The following GALR1 variants were observed in gnomAD, a reference collection of about 807,000 sequenced individuals.
The protein encoded by GALR1 is galanin receptor type 1.
GALR1 carries 11 observed loss-of-function variants against 17.9 expected under a neutral mutation model. The ratio of observed to expected loss-of-function variants is 0.62; its 90% CI spans 0.39 to 1.02. GALR1 has a LOEUF of 1.02. Among genes scored for constraint, GALR1 ranks in the 50% least tolerant of loss-of-function variants. The probability of loss-of-function intolerance (pLI) is 0.01; values close to 1 mark genes in which losing one functional copy is unlikely to be tolerated. For synonymous variants in GALR1, 206 were observed against 205.7 expected, an observed-to-expected ratio of 1.00 and a Z score of -0.01; for missense variants, 441 against 456.9, an observed-to-expected ratio of 0.97 and a Z score of 0.32.
At chr18:77,259,405 GTGGTTATGGTGGTGATGA>G (rs1345201626) in intron 2 of GALR1, among the ~76,000 whole-genome samples, 13 of 141,128 alleles carry the variant, frequency 9.2e-5, no homozygotes, top group East Asian at 4.5e-4. Flanking sequence ...GGTGGTCATG[GTGGTTATGGTGGTGATGA>G]TGGTCATGGT....
chr18:77,253,019 CCACCA>C (rs1912503728), intron 1 of GALR1, among the ~76,000 whole-genome samples: 4 of 93,948 alleles, frequency 4.3e-5, no homozygotes, highest in Non-Finnish European at 7.3e-5. Context: ...ACCACCACCA[CCACCA>C]TCACCACCAT....
chr18:77,251,306 C>A lies in GALR1; in HGVS notation c.666+92C>A, dbSNP rs1344153264. On this transcript the variant is annotated intron_variant, in intron 1 of 2. Transcript: ENST00000299727. ...TCAGTGTCCCGCGGCCCTGCCGGAG[C>A]CTTGGCGGCAGCCTGGCCCCGGTGG... 2.0e-6 allele frequency: 3 copies of A among 1,492,932 alleles called. No individual in the cohort carries two copies. The East Asian group carries it at 6.9e-5, about 34-fold the overall frequency. The allele number at this position is 1,492,932 out of a possible 1,614,324, so 92.5% of individuals were successfully genotyped here.
intron 2 of GALR1, 32 bp from the exon 3 acceptor site, chr18:77,268,553 C>A: frequency 6.5e-7 from 1 of 1,529,398 alleles, no homozygotes; most frequent in South Asian, 1.2e-5. Context: ...CCTCCTCCTC[C>A]TCCTCCTCCT....
At chr18:77,252,929 CCACCACCACCACCACCACCAT>C (rs1568139089) in intron 1 of GALR1, among the ~76,000 whole-genome samples, 105 of 34,482 alleles carry the variant, frequency 3.0e-3, no homozygotes, top group East Asian at 8.4e-3. Flanking sequence ...ACCATCACCA[CCACCACCACCACCACCACCAT>C]CACCACCATC....
intron 2 of GALR1, among the ~76,000 whole-genome samples, chr18:77,264,069 G>A (rs1340289893): frequency 5.6e-5 from 8 of 142,470 alleles, no homozygotes; most frequent in Non-Finnish European, 3.0e-5. Context: ...GGGAGATGGA[G>A]GTTGCAGTGA....
chr18:77,250,662 G>A lies in GALR1; in HGVS notation c.114G>A (p.Val38=), dbSNP rs1430829722. 6.2e-7 allele frequency: 1 copy of A among 1,610,440 alleles called. No individual in the cohort carries two copies. Among genetic ancestry groups the A allele is most frequent in the African/African-American group, 1.3e-5 (1 of 74,842 alleles). Residue 38 remains valine, a synonymous_variant, in exon 1 of 3, where the codon GTG becomes GTA. Coordinates refer to ENST00000299727, the MANE Select transcript of GALR1 (RefSeq NM_001480.4). ...GIGVENFVTL[V]VFGLIFALGV... ...GCGTGGAGAACTTCGTCACGCTGGT[G>A]GTGTTCGGCCTGATCTTCGCGCTGG...
At chr18:77,259,831 G>T (rs1912789127) in intron 2 of GALR1, among the ~76,000 whole-genome samples, 2 of 151,916 alleles carry the variant, frequency 1.3e-5, no homozygotes. Context: ...GGAGAGAGGG[G>T]GACAGAGGCA....
intron 1 of GALR1, among the ~76,000 whole-genome samples, chr18:77,255,628 G>T (rs1912569965): frequency 6.6e-6 from 1 of 152,202 alleles, no homozygotes; most frequent in African/African-American, 2.4e-5. Flanking sequence ...CAATATTTGG[G>T]TTGGCTGCAC....
intron 2 of GALR1, among the ~76,000 whole-genome samples, chr18:77,267,394 C>G (rs925617919): frequency 6.6e-6 from 1 of 152,242 alleles, no homozygotes; most frequent in South Asian, 2.1e-4. Context: ...GGCATTTGCT[C>G]TTCCCCTCCT....
At position 77,271,960 on chromosome 18, in the gene GALR1, T is replaced by G. The variant is rs1276259286; in HGVS notation, c.*3058T>G. On this transcript the variant is annotated 3_prime_UTR_variant, in exon 3 of 3. Transcript: ENST00000299727. ...TTCTCTGTGCTCTTCTGACCGGGTA[T>G]GTACTCAGCAACATGGGGGACTGAG... 6.6e-6 allele frequency: 1 copy of G among 152,038 alleles called. No homozygotes were observed. The highest frequency in any genetic ancestry group is 1.5e-5 in the Non-Finnish European group (1 of 67,918). 9.4% of individuals were successfully genotyped at this position (152,038 alleles called of 1,614,324 possible). A position where few individuals can be genotyped will look rare whatever the true frequency, so the allele number is the denominator to read the frequency against.
rs1000582822 is a variant in GALR1, at chr18:77,250,423, G to T, written c.-126G>T. 4.1e-5 allele frequency: 42 copies of T among 1,021,728 alleles called. No homozygotes were observed. Among genetic ancestry groups the T allele is most frequent in the Non-Finnish European group, 5.1e-5 (39 of 757,334 alleles). The allele number at this position is 1,021,728 out of a possible 1,614,324, so 63.3% of individuals were successfully genotyped here. ...GCTCCCGCTGGCTCGCGCCTCGGGG[G>T]AAGCTCAGACTCCTAAACTCGCACT... is the stretch of plus-strand genomic sequence containing the variant. On this transcript the variant is annotated 5_prime_UTR_variant, in exon 1 of 3. Coordinates refer to ENST00000299727, the MANE Select transcript of GALR1 (RefSeq NM_001480.4).
In GALR1 at chr18:77,250,811, G is replaced by T; in HGVS notation, c.263G>T (p.Cys88Phe). Residue 88 changes from cysteine to phenylalanine, a missense_variant, in exon 1 of 3, where the codon TGC (cysteine) becomes TTC (phenylalanine). Transcript: ENST00000299727. ...SIADLAYLLF[C>F]IPFQATVYAL... The stretch of plus-strand genomic sequence containing the variant: ...GCCGACCTGGCCTACCTGCTCTTCT[G>T]CATCCCCTTCCAGGCCACCGTGTAC... 1 of 1,613,874 alleles carries T rather than the reference G, an allele frequency of 6.2e-7. No individual in the cohort carries two copies. Among genetic ancestry groups the T allele is most frequent in the Non-Finnish European group, 8.5e-7 (1 of 1,180,018 alleles).
rs372059441 is a variant in GALR1 at position 77,259,735 on chromosome 18, G to A, written c.732+3512G>A. Among the ~76,000 whole-genome samples the A allele has an allele frequency of 4.6e-5, 7 of 152,006 alleles. No homozygotes were observed. In the East Asian group the frequency reaches 1.4e-3, roughly 29 times the overall value. On this transcript the variant is annotated intron_variant, in intron 2 of 2. Coordinates refer to ENST00000299727, the MANE Select transcript of GALR1 (RefSeq NM_001480.4). ...TGGTAATGGTGGTGGTGGTATGTGTGTGTCTAAGAAAGAGATGGGAGAGAG... is the reference window on the plus strand; with the variant it reads ...TGGTAATGGTGGTGGTGGTATGTGTATGTCTAAGAAAGAGATGGGAGAGAG...
Position 77,270,537 on chromosome 18 carries a change from TG to T in GALR1, c.*1636del, listed in dbSNP as rs1246103853. On this transcript the variant is annotated 3_prime_UTR_variant, in exon 3 of 3. Transcript: ENST00000299727. ...TAAAATATATATATATATGTGTGTG[TG>T]TGTGTGTGTGTGTGTGTGTGTGTGT... 2 of 151,170 alleles carry T rather than the reference TG, an allele frequency of 1.3e-5. No homozygotes were observed. The allele number at this position is 151,170 out of a possible 1,614,324, so 9.4% of individuals were successfully genotyped here.
In GALR1 at chr18:77,274,007, C is replaced by T. The variant is rs1404250414; in HGVS notation, c.*5105C>T. ...GGTGATCGTTATGGTAACCCATGAA[C>T]TCGGATGAATTTCGGGGCCTGCTGT... On this transcript the variant is annotated 3_prime_UTR_variant, in exon 3 of 3. Transcript: ENST00000299727. 6.6e-6 allele frequency: 1 copy of T among 152,260 alleles called. No homozygotes were observed. Among genetic ancestry groups the T allele is most frequent in the East Asian group, 1.9e-4 (1 of 5,170 alleles). The allele number at this position is 152,260 out of a possible 1,614,324, so 9.4% of individuals were successfully genotyped here.
At chr18:77,262,360 C>A (rs369644009) in intron 2 of GALR1, among the ~76,000 whole-genome samples, 1 of 152,142 alleles carries the variant, frequency 6.6e-6, no homozygotes. Flanking sequence ...TATCGTTTCC[C>A]GAGTTTGACA....
At chr18:77,252,967 AC>A in intron 1 of GALR1, among the ~76,000 whole-genome samples, 1 of 65,802 alleles carries the variant, frequency 1.5e-5, no homozygotes, top group Non-Finnish European at 3.5e-5. Context: ...CATCACCACC[AC>A]CATCACCACC....
In GALR1 at chr18:77,252,950, T is replaced by TCAC. The variant is rs1912485693; in HGVS notation, c.666+1742_666+1744dup. Among the ~76,000 whole-genome samples, 20 of 25,258 alleles carry TCAC rather than the reference T, an allele frequency of 7.9e-4. 1 individual carries two copies. The highest frequency in any genetic ancestry group is 1.3e-3 in the South Asian group (1 of 758). 16.6% of individuals were successfully genotyped at this position (25,258 alleles called of 152,430 possible). A position where few individuals can be genotyped will look rare whatever the true frequency, so the allele number is the denominator to read the frequency against. On this transcript the variant is annotated intron_variant, in intron 1 of 2. Coordinates refer to ENST00000299727, the MANE Select transcript of GALR1 (RefSeq NM_001480.4). ...ACCACCACCACCACCACCACCACCATCACCACCATCACCACCACCATCACC... is the reference window on the plus strand; with the variant it reads ...ACCACCACCACCACCACCACCACCATCACCACCACCATCACCACCACCATCACC...
intron 2 of GALR1, among the ~76,000 whole-genome samples, chr18:77,260,712 G>T (rs1476333626): frequency 1.3e-5 from 2 of 152,188 alleles, no homozygotes; most frequent in Non-Finnish European, 2.9e-5. Context: ...AGAAGAATAG[G>T]ATTTCTACTG....
Sources: gnomAD v4.1 joint callset for allele counts (sites outside exome capture counted in the v4.1 genomes callset) on GRCh38, gnomAD v4.1.1 for gene constraint, MANE v1.5 for transcripts, NCBI Gene and HGNC (gene_info 2026-07-23, HGNC 2026-07-21) for gene names.